BAG2: variants seen among roughly 807,000 people sequenced by gnomAD.
BAG2 encodes BAG family molecular chaperone regulator 2.
Under a neutral mutation model 16.4 loss-of-function variants are expected in BAG2, and 8 were observed. That is an observed-to-expected ratio of 0.49 (90% CI 0.29 to 0.88). BAG2 has a LOEUF of 0.88. BAG2 is among the 40% of genes least tolerant of loss of function. The pLI is 0.09. For missense variants in BAG2, 218 were observed against 248.9 expected, an observed-to-expected ratio of 0.88 and a Z score of 0.84; for synonymous variants, 82 against 89.2, an observed-to-expected ratio of 0.92 and a Z score of 0.46.
rs760717264 is a variant in BAG2 at position 57,186,468 on chromosome 6, C to G, written c.*2278C>G. ...AGTAGTTGGGACTACAGGCGCCCAC[C>G]ACCACGCCCGGCTAAATTTTTGTAT... On this transcript the variant is annotated 3_prime_UTR_variant, in exon 3 of 3. Coordinates refer to ENST00000370693, the MANE Select transcript of BAG2 (RefSeq NM_004282.4). 6.6e-6 allele frequency: 1 copy of G among 152,332 alleles called. No homozygotes were observed. The highest frequency in any genetic ancestry group is 6.5e-5 in the Admixed American group (1 of 15,280). 9.4% of individuals were successfully genotyped at this position (152,332 alleles called of 1,614,324 possible).
intron 2 of BAG2, among the ~76,000 whole-genome samples, chr6:57,183,420 C>A (rs11754302): frequency 1.3e-5 from 2 of 152,172 alleles, no homozygotes; most frequent in Non-Finnish European, 2.9e-5. Flanking sequence ...CTGGAGAGAT[C>A]TGGGACATCT....
chr6:57,173,483 A>G (rs2127991747), intron 1 of BAG2: 1 of 985,312 alleles, frequency 1.0e-6, no homozygotes, highest in East Asian at 1.1e-4. Flanking sequence ...GCACCTCCCT[A>G]CATAGAAGAC....
chr6:57,176,211 C>T (rs1764281486), intron 1 of BAG2, among the ~76,000 whole-genome samples: 1 of 152,158 alleles, frequency 6.6e-6, no homozygotes, highest in South Asian at 2.1e-4. Flanking sequence ...CTATTATCAC[C>T]ATTCTACAGA....
At position 57,188,418 on chromosome 6, in the gene BAG2, C is replaced by CAGAG. The variant is rs1305241521; in HGVS notation, c.*4230_*4233dup. 3.3e-5 allele frequency: 5 copies of CAGAG among 152,274 alleles called. No individual in the cohort carries two copies. In the East Asian group the frequency reaches 5.8e-4, roughly 18 times the overall value. 9.4% of individuals were successfully genotyped at this position (152,274 alleles called of 1,614,324 possible). Reference sequence around the variant, plus strand: ...ATATTACAGGAACTGTAACTATCCTCAGAGATTACTTTTTTTAAATATAGA... The same window carrying CAGAG: ...ATATTACAGGAACTGTAACTATCCTCAGAGAGAGATTACTTTTTTTAAATATAGA... On this transcript the variant is annotated 3_prime_UTR_variant, in exon 3 of 3. Transcript: ENST00000370693.
rs780564291 is a variant in BAG2 at position 57,185,590 on chromosome 6, T to C, written c.*1400T>C. 2 of 152,204 alleles carry C rather than the reference T, an allele frequency of 1.3e-5. No homozygotes were observed. Among genetic ancestry groups the C allele is most frequent in the Non-Finnish European group, 2.9e-5 (2 of 68,006 alleles). 9.4% of individuals were successfully genotyped at this position (152,204 alleles called of 1,614,324 possible). Reference sequence around the variant, plus strand: ...TCTGAAGACATTCATGTTACTTCCTTTGCCAGCTCCAACTCTGCCTTATTT... The same window carrying C: ...TCTGAAGACATTCATGTTACTTCCTCTGCCAGCTCCAACTCTGCCTTATTT... On this transcript the variant is annotated 3_prime_UTR_variant, in exon 3 of 3. Coordinates refer to ENST00000370693, the MANE Select transcript of BAG2 (RefSeq NM_004282.4).
chr6:57,174,367 C>T, intron 1 of BAG2: 1 of 1,304,170 alleles, frequency 7.7e-7, no homozygotes, highest in Non-Finnish European at 1.0e-6. Flanking sequence ...AGTCATTGTC[C>T]TCCAACTTGA....
At chr6:57,174,254 G>C in intron 1 of BAG2, 3 of 1,260,392 alleles carry the variant, frequency 2.4e-6, no homozygotes, top group Non-Finnish European at 3.1e-6. Flanking sequence ...GAACGTTGAG[G>C]GCATGTTCTC....
intron 2 of BAG2, among the ~76,000 whole-genome samples, chr6:57,182,549 AAG>A (rs1299510654): frequency 5.3e-5 from 8 of 152,008 alleles, no homozygotes; most frequent in Non-Finnish European, 8.8e-5. Context: ...AAAAAAAAAA[AAG>A]ATGAATTGAG....
chr6:57,188,543 G>A lies in BAG2; in HGVS notation c.*4353G>A, dbSNP rs532405641. The A allele has an allele frequency of 6.4e-4, 98 of 152,212 alleles. No homozygotes were observed. Among genetic ancestry groups the A allele is most frequent in the African/African-American group, 2.1e-3 (86 of 41,564 alleles). 9.4% of individuals were successfully genotyped at this position (152,212 alleles called of 1,614,324 possible). On this transcript the variant is annotated 3_prime_UTR_variant, in exon 3 of 3. Coordinates refer to ENST00000370693, the MANE Select transcript of BAG2 (RefSeq NM_004282.4). ...TGCCAATAAAGACAAAAGACTATTT[G>A]TTGCAAAGTATTATTTTGTGCAAAA...
rs538680732 is a variant in BAG2, at chr6:57,178,079, G to A, written c.114-3953G>A. On this transcript the variant is annotated intron_variant, in intron 1 of 2. Coordinates refer to ENST00000370693, the MANE Select transcript of BAG2 (RefSeq NM_004282.4). ...AAAAGTTCTTTCCCAATTTGGACGT[G>A]TAGCTGCTTCCGGGATCTGTTAGTA... 3.3e-5 allele frequency among the ~76,000 whole-genome samples: 5 copies of A among 152,340 alleles called. No individual in the cohort carries two copies. In the East Asian group the frequency reaches 9.6e-4, roughly 29 times the overall value.
chr6:57,180,199 G>A (rs1339102966), intron 1 of BAG2, among the ~76,000 whole-genome samples: 7 of 152,122 alleles, frequency 4.6e-5, no homozygotes, highest in Admixed American at 1.3e-4. Flanking sequence ...CTACTATGAA[G>A]AATACATGGG....
chr6:57,172,607 G>C lies in BAG2; in HGVS notation c.-91G>C. 8.9e-7 allele frequency: 1 copy of C among 1,124,400 alleles called. No homozygotes were observed. The highest frequency in any genetic ancestry group is 1.2e-6 in the Non-Finnish European group (1 of 847,258). 69.7% of individuals were successfully genotyped at this position (1,124,400 alleles called of 1,614,324 possible). The stretch of plus-strand genomic sequence containing the variant: ...CAGAGGGAGGGCGGGCGCCCGCGTG[G>C]TGACGGCGACGCCTGCAGCCCAAGG... On this transcript the variant is annotated 5_prime_UTR_variant, in exon 1 of 3. Coordinates refer to ENST00000370693, the MANE Select transcript of BAG2 (RefSeq NM_004282.4).
intron 1 of BAG2, among the ~76,000 whole-genome samples, chr6:57,175,287 A>G (rs973507618): frequency 4.6e-5 from 7 of 152,238 alleles, no homozygotes; most frequent in African/African-American, 1.7e-4. Flanking sequence ...GTATATATAC[A>G]ACGTTTTCCT....
At chr6:57,176,996 G>A (rs2127992364) in intron 1 of BAG2, among the ~76,000 whole-genome samples, 2 of 152,282 alleles carry the variant, frequency 1.3e-5, no homozygotes, top group South Asian at 4.2e-4. Context: ...TGTCTTGACA[G>A]TAAATGTAAT....
At chr6:57,183,511 C>A (rs1008223932) in intron 2 of BAG2, among the ~76,000 whole-genome samples, 1 of 152,176 alleles carries the variant, frequency 6.6e-6, no homozygotes, top group African/African-American at 2.4e-5. Flanking sequence ...ATCCCAGTTA[C>A]AAATGCATAC....
intron 1 of BAG2, 25 bp from the exon 2 acceptor site, chr6:57,182,007 C>G (rs1433367930): frequency 6.3e-7 from 1 of 1,592,832 alleles, no homozygotes; most frequent in Non-Finnish European, 8.6e-7. Context: ...ATACAATAAC[C>G]GTTTTGTTTT....
intron 2 of BAG2, among the ~76,000 whole-genome samples, chr6:57,182,562 G>A (rs1409332751): frequency 1.3e-5 from 2 of 151,078 alleles, no homozygotes; most frequent in African/African-American, 4.9e-5. Context: ...ATGAATTGAG[G>A]TACAACATAA....
rs998988209 is a variant in BAG2, at chr6:57,186,527, A to C, written c.*2337A>C. 2.0e-5 allele frequency: 3 copies of C among 152,238 alleles called. No homozygotes were observed. The highest frequency in any genetic ancestry group is 4.4e-5 in the Non-Finnish European group (3 of 68,084). 9.4% of individuals were successfully genotyped at this position (152,238 alleles called of 1,614,324 possible). On this transcript the variant is annotated 3_prime_UTR_variant, in exon 3 of 3. Transcript: ENST00000370693. ...GACATGGGGTTTCACCATATTGGCC[A>C]GGCTGGTCTCAAACTCCTGACCTTG...
intron 1 of BAG2, chr6:57,173,579 A>G: frequency 1.2e-6 from 1 of 835,456 alleles, no homozygotes; most frequent in Non-Finnish European, 1.4e-6. Context: ...ACAGTAGTAG[A>G]CTTGTATAGA....
Sources: gnomAD v4.1 joint callset for allele counts (sites outside exome capture counted in the v4.1 genomes callset) on GRCh38, gnomAD v4.1.1 for gene constraint, MANE v1.5 for transcripts, NCBI Gene and HGNC (gene_info 2026-07-23, HGNC 2026-07-21) for gene names.